ANO7: variants seen among roughly 807,000 people sequenced by gnomAD.
ANO7 encodes the protein anoctamin 7, also known as anoctamin-7.
ANO7 carries 114 observed loss-of-function variants against 115.8 expected under a neutral mutation model. The observed-to-expected ratio is 0.98, with a 90% CI of 0.85 to 1.15. The LOEUF is 1.15. Among genes scored for constraint, ANO7 ranks in the 50% most tolerant of loss-of-function variants. The probability of loss-of-function intolerance (pLI) is 0.00; values close to 1 mark genes in which losing one functional copy is unlikely to be tolerated. For missense variants in ANO7, 1,302 were observed against 1,201.2 expected, an observed-to-expected ratio of 1.08 and a Z score of -1.24; for synonymous variants, 550 against 498.2, an observed-to-expected ratio of 1.10 and a Z score of -1.38.
At chr2:241,212,015 G>T in intron 15 of ANO7, 79 bp from the exon 16 acceptor site, 1 of 992,194 alleles carries the variant, frequency 1.0e-6, no homozygotes. Context: ...TGTGTGGCAA[G>T]GTGGTCCTAG....
chr2:241,213,219 C>T (rs2068756014), intron 17 of ANO7, among the ~76,000 whole-genome samples: 1 of 150,030 alleles, frequency 6.7e-6, no homozygotes, highest in African/African-American at 2.5e-5. Context: ...CCCGCAGGGG[C>T]TGGCCTCCTC....
chr2:241,216,990 C>T (rs2068846473), intron 19 of ANO7, among the ~76,000 whole-genome samples: 2 of 152,196 alleles, frequency 1.3e-5, no homozygotes, highest in South Asian at 4.1e-4. Context: ...CCCACCACCA[C>T]GCCCGGCTAA....
chr2:241,191,956 GGGCCCC>G (rs899485696), intron 3 of ANO7, among the ~76,000 whole-genome samples: 3 of 152,336 alleles, frequency 2.0e-5, no homozygotes, highest in East Asian at 1.9e-4. Flanking sequence ...CACGGGATGG[GGGCCCC>G]GGGGAGATAT....
intron 22 of ANO7, 88 bp from the exon 23 acceptor site, chr2:241,223,574 G>A: frequency 6.5e-6 from 10 of 1,548,826 alleles, no homozygotes; most frequent in Middle Eastern, 2.0e-4. Context: ...CCACAGCTGG[G>A]AGCAGGTGCC....
chr2:241,214,162 G>A (rs1240394454), intron 17 of ANO7, among the ~76,000 whole-genome samples: 2 of 152,214 alleles, frequency 1.3e-5, no homozygotes. Context: ...GCACGCACCT[G>A]TAGTCTCAGC....
rs144209760 is a variant in ANO7, at chr2:241,214,822, C to T, written c.1746C>T (p.Cys582=). ...TGCCGTAGTGCGCGGCTGGAGGCTG[C>T]CTGATCGAGCTGGCACAGGAGCTCC... The part of the protein sequence containing the change: ...VRNEECAAGG[C]LIELAQELLV... Residue 582 remains cysteine (C), a synonymous_variant, in exon 18 of 25, where the codon TGC becomes TGT. Transcript: ENST00000674324. 1.1e-5 allele frequency: 18 copies of T among 1,611,986 alleles called. No individual in the cohort carries two copies. The African/African-American group carries it at 2.0e-4, about 18-fold the overall frequency.
the ANO7 span, chr2:241,238,670 G>A: frequency 6.3e-7 from 1 of 1,579,200 alleles, no homozygotes; most frequent in Admixed American, 1.7e-5. The surrounding 1 kb of genome is among the most constrained non-coding windows in gnomAD (Gnocchi z 4.9). Flanking sequence ...TCTCTGTCTG[G>A]GAATTTAATT....
the ANO7 span, chr2:241,236,323 C>G: frequency 6.9e-6 from 3 of 434,086 alleles, no homozygotes; most frequent in Non-Finnish European, 1.3e-5. Context: ...CCCCCTGCAG[C>G]TGAGACCCTT....
chr2:241,217,805 C>G lies in ANO7; in HGVS notation c.2092C>G (p.Arg698Gly). The change falls in exon 20 of 25, where the codon CGG becomes GGG. Residue 698 changes from arginine to glycine, a missense_variant. By Grantham distance (125) the Arg-to-Gly change is moderately radical (BLOSUM62 -2). Coordinates refer to ENST00000674324, the MANE Select transcript of ANO7 (RefSeq NM_001370694.2). Reference sequence around the variant, plus strand: ...CGCGCGCAAGTTCGTCTGCGAGTACCGGCGCCCGGTGGCCGAGCGCGCCCA... The same window carrying G: ...CGCGCGCAAGTTCGTCTGCGAGTACGGGCGCCCGGTGGCCGAGCGCGCCCA... ...LDARKFVCEY[R>G]RPVAERAQDI... 5 of 1,610,446 alleles carry G rather than the reference C, an allele frequency of 3.1e-6. No individual in the cohort carries two copies. Among genetic ancestry groups the G allele is most frequent in the Non-Finnish European group, 4.2e-6 (5 of 1,179,086 alleles).
In ANO7 at chr2:241,217,911, G is replaced by T. The variant is rs755192613; in HGVS notation, c.2178+20G>T. On this transcript the variant is annotated intron_variant, in intron 20 of 24. Coordinates refer to ENST00000674324, the MANE Select transcript of ANO7 (RefSeq NM_001370694.2). Reference sequence around the variant, plus strand: ...AGCAACGTGAGGCCCGGGCGGGAGCGCGGGGCGGGGCGGGGGCGCGCAGGG... The same window carrying T: ...AGCAACGTGAGGCCCGGGCGGGAGCTCGGGGCGGGGCGGGGGCGCGCAGGG... The T allele has an allele frequency of 1.5e-6, 2 of 1,376,196 alleles. No homozygotes were observed. Among genetic ancestry groups the T allele is most frequent in the Admixed American group, 2.3e-5 (1 of 43,956 alleles). The allele number at this position is 1,376,196 out of a possible 1,614,324, so 85.2% of individuals were successfully genotyped here. A position where few individuals can be genotyped will look rare whatever the true frequency, so the allele number is the denominator to read the frequency against.
At chr2:241,219,672 A>G (rs2068960983) in intron 21 of ANO7, among the ~76,000 whole-genome samples, 1 of 150,304 alleles carries the variant, frequency 6.7e-6, no homozygotes, top group South Asian at 2.1e-4. Flanking sequence ...GGCTCAAGCA[A>G]TCCTCCCACC....
At chr2:241,215,525 T>G (rs1240566171) in intron 18 of ANO7, among the ~76,000 whole-genome samples, 1 of 152,248 alleles carries the variant, frequency 6.6e-6, no homozygotes, top group Non-Finnish European at 1.5e-5. Context: ...GGAATAGCAG[T>G]TGGGAGATGG....
At chr2:241,217,443 G>A (rs989850734) in intron 19 of ANO7, among the ~76,000 whole-genome samples, 1 of 152,252 alleles carries the variant, frequency 6.6e-6, no homozygotes, top group South Asian at 2.1e-4. Flanking sequence ...TCACCGAGCC[G>A]GAGAAGGCCC....
At position 241,209,346 on chromosome 2, in the gene ANO7, C is replaced by T. The variant is rs1288219342; in HGVS notation, c.1139C>T (p.Ala380Val). ...VFFSLFMALW[A>V]VLLLEYWKRK... Reference sequence around the variant, plus strand: ...TTCAGCTTGTTCATGGCACTGTGGGCCGTGCTGCTGCTGGAGTACTGGAAG... The same window carrying T: ...TTCAGCTTGTTCATGGCACTGTGGGTCGTGCTGCTGCTGGAGTACTGGAAG... The change falls in exon 12 of 25, where the codon GCC becomes GTC. Residue 380 changes from alanine to valine, a missense_variant. Ala to Val is a moderately conservative substitution (Grantham distance 64). Coordinates refer to ENST00000674324, the MANE Select transcript of ANO7 (RefSeq NM_001370694.2). The T allele has an allele frequency of 1.9e-6, 3 of 1,577,554 alleles. No individual in the cohort carries two copies. Among genetic ancestry groups the T allele is most frequent in the South Asian group, 2.3e-5 (2 of 86,482 alleles).
chr2:241,240,295 G>T, the ANO7 span: 1 of 653,926 alleles, frequency 1.5e-6, no homozygotes, highest in Admixed American at 2.2e-5. The surrounding 1 kb of genome is among the most constrained non-coding windows in gnomAD (Gnocchi z 5.5). Context: ...TGAATAAACA[G>T]ATGAATACCC....
intron 11 of ANO7, among the ~76,000 whole-genome samples, chr2:241,208,747 CA>C (rs1402537735): frequency 1.3e-5 from 2 of 152,186 alleles, no homozygotes; most frequent in East Asian, 3.9e-4. Context: ...ATGAAAATAT[CA>C]GCTCAGAAAG....
chr2:241,195,812 T>A lies in ANO7; in HGVS notation c.276T>A (p.Asp92Glu). 6.2e-7 allele frequency: 1 copy of A among 1,614,220 alleles called. No individual in the cohort carries two copies. The change falls in exon 4 of 25, where the codon GAT (aspartate) becomes GAA (glutamate). Residue 92 changes from aspartate to glutamate, a missense_variant. By Grantham distance (45) the Asp-to-Glu change is conservative. Transcript: ENST00000674324. ...GGACCTGGCGGGAGACTTTTCTGGA[T>A]AATCTTCGTGCGGCTGGGCTGTGTG... ...MHRTWRETFL[D>E]NLRAAGLCVD...
chr2:241,196,293 C>T (rs189763432), intron 4 of ANO7: 10 of 520,728 alleles, frequency 1.9e-5, no homozygotes, highest in African/African-American at 1.7e-4. Context: ...GTCCGGGGAG[C>T]GTGAGAAACA....
chr2:241,223,585 GGA>G (rs1401603170), intron 22 of ANO7, 75 bp from the exon 23 acceptor site: 2 of 1,566,924 alleles, frequency 1.3e-6, no homozygotes. Context: ...AGCAGGTGCC[GGA>G]GCCCCGGCCT....
Sources: gnomAD v4.1 joint callset for allele counts (sites outside exome capture counted in the v4.1 genomes callset) on GRCh38, gnomAD v4.1.1 for gene constraint, Gnocchi (gnomAD v3.1) non-coding constraint, MANE v1.5 for transcripts, NCBI Gene and HGNC (gene_info 2026-07-23, HGNC 2026-07-21) for gene names.